ULK2: variants seen among roughly 807,000 people sequenced by gnomAD.
ULK2 encodes unc-51 like autophagy activating kinase 2, also known as serine/threonine-protein kinase ULK2.
Under a neutral mutation model 127.5 loss-of-function variants are expected in ULK2, and 76 were observed. The observed-to-expected ratio is 0.60, with a 90% CI of 0.50 to 0.72. The LOEUF is 0.72. ULK2 is among the 30% of genes least tolerant of loss of function. ULK2 has a pLI of 0.00. For missense variants in ULK2, 1,144 were observed against 1,295.9 expected (o/e 0.88, Z 1.80); for synonymous variants, 452 against 461.9 (o/e 0.98, Z 0.28).
intron 5 of ULK2, 148 bp from the exon 6 acceptor site, chr17:19,847,058 T>C (rs1315362802): frequency 6.7e-6 from 5 of 750,066 alleles, no homozygotes; most frequent in African/African-American, 5.4e-5. Flanking sequence ...ACTTTAATAA[T>C]TGAAGACTAT....
chr17:19,837,981 C>T (rs2041638309), intron 10 of ULK2, among the ~76,000 whole-genome samples: 1 of 152,226 alleles, frequency 6.6e-6, no homozygotes, highest in South Asian at 2.1e-4. Context: ...AAGCCCAAGT[C>T]TTCAACTGGC....
At chr17:19,854,539 C>T (rs1441255903) in intron 3 of ULK2, among the ~76,000 whole-genome samples, 2 of 152,150 alleles carry the variant, frequency 1.3e-5, no homozygotes, top group Non-Finnish European at 2.9e-5. Flanking sequence ...AAGACTTCTT[C>T]TGTAGATATC....
At chr17:19,841,929 A>C (rs1021421929) in intron 8 of ULK2, among the ~76,000 whole-genome samples, 6 of 152,158 alleles carry the variant, frequency 3.9e-5, no homozygotes, top group Admixed American at 6.5e-5. Context: ...GAAACTTAGA[A>C]TAGATTAAGG....
At chr17:19,789,685 A>G (rs1264120547) in intron 20 of ULK2, among the ~76,000 whole-genome samples, 1 of 152,156 alleles carries the variant, frequency 6.6e-6, no homozygotes, top group East Asian at 1.9e-4. Flanking sequence ...TCTATCAGAT[A>G]AATCTAACAC....
intron 9 of ULK2, among the ~76,000 whole-genome samples, chr17:19,838,820 G>T (rs571681697): frequency 2.6e-5 from 4 of 151,936 alleles, no homozygotes; most frequent in Non-Finnish European, 4.4e-5. Flanking sequence ...GAGGTCAGGA[G>T]ATCGAGACCA....
rs1473477217 is a variant in ULK2, at chr17:19,781,974, C to T, written c.2554G>A (p.Glu852Lys). ...DLTAMRGGNP[E>K]LCTSAVSLYQ... is the part of the protein sequence containing the mutation. ...AAGGACACAGCAGATGTGCACAGCT[C>T]AGGGTTTCCTCCCCTCATGGCTGTC... The change falls in exon 23 of 27, where the codon GAG becomes AAG. Residue 852 changes from glutamate (E) to lysine (K), a missense_variant. By Grantham distance (56) the Glu-to-Lys change is moderately conservative (BLOSUM62 1). Around this residue, in one of 2 missense-constraint regions of ULK2, gnomAD observed 913 missense variants for 970.5 expected, o/e 0.94. Transcript: ENST00000395544. 5 of 1,614,230 alleles carry T rather than the reference C, an allele frequency of 3.1e-6. No individual in the cohort carries two copies. The South Asian group carries it at 5.5e-5, about 18-fold the overall frequency.
At chr17:19,844,621 A>T (rs559251633) in intron 7 of ULK2, among the ~76,000 whole-genome samples, 57 of 152,016 alleles carry the variant, frequency 3.7e-4, no homozygotes, top group Non-Finnish European at 7.8e-4. Context: ...TAAATCTAAT[A>T]AAATTTTTTT....
intron 13 of ULK2, among the ~76,000 whole-genome samples, chr17:19,813,307 T>C (rs1027570006): frequency 2.6e-5 from 4 of 152,134 alleles, no homozygotes; most frequent in Non-Finnish European, 5.9e-5. Flanking sequence ...GCATACAATA[T>C]ACTGCATGTT....
Position 19,867,433 on chromosome 17 carries a change from G to A in ULK2, c.-16C>T. The A allele has an allele frequency of 1.3e-6, 2 of 1,584,120 alleles. No homozygotes were observed. Among genetic ancestry groups the A allele is most frequent in the East Asian group, 2.4e-5 (1 of 41,288 alleles). The stretch of plus-strand genomic sequence containing the variant: ...CCACCTCCATGGCCGCGCCCCCGGG[G>A]CACACAGCGGACGGGCGGGCGGCGC... On this transcript the variant is annotated 5_prime_UTR_variant, in exon 1 of 27. Transcript: ENST00000395544.
At chr17:19,802,900 C>T (rs1320717501) in intron 15 of ULK2, among the ~76,000 whole-genome samples, 1 of 152,140 alleles carries the variant, frequency 6.6e-6, no homozygotes. Flanking sequence ...CTGAGTTATG[C>T]AGATATTCCA....
chr17:19,804,212 G>T (rs769732297), intron 15 of ULK2, among the ~76,000 whole-genome samples: 1 of 144,018 alleles, frequency 6.9e-6, no homozygotes, highest in Admixed American at 7.3e-5. Flanking sequence ...GTGAGACCCC[G>T]TCTCTAAAAG....
intron 9 of ULK2, 22 bp downstream of exon 9, chr17:19,841,467 C>A (rs193193509): frequency 6.4e-7 from 1 of 1,568,264 alleles, no homozygotes; most frequent in Non-Finnish European, 8.6e-7. Context: ...ATAGTAAAAC[C>A]CAGTGTAATC....
chr17:19,843,294 G>A, intron 7 of ULK2, 72 bp from the exon 8 acceptor site: 8 of 980,782 alleles, frequency 8.2e-6, no homozygotes, highest in South Asian at 5.8e-5. Flanking sequence ...TTAATTAACT[G>A]GTAAAGGTGA....
At chr17:19,776,450 C>T in intron 26 of ULK2, 43 bp from the exon 27 acceptor site, 1 of 1,494,132 alleles carries the variant, frequency 6.7e-7, no homozygotes, top group Non-Finnish European at 9.1e-7. Context: ...TGAAAAAAAT[C>T]ACTATATTGT....
At chr17:19,866,091 G>C (rs1387296570) in intron 1 of ULK2, among the ~76,000 whole-genome samples, 1 of 152,156 alleles carries the variant, frequency 6.6e-6, no homozygotes, top group Non-Finnish European at 1.5e-5. Context: ...CCACTTCAAA[G>C]TTATGGACAA....
rs1315728472 is a variant in ULK2, at chr17:19,774,590, A to C, written c.*1759T>G. 2 of 152,252 alleles carry C rather than the reference A, an allele frequency of 1.3e-5. No homozygotes were observed. Among genetic ancestry groups the C allele is most frequent in the Non-Finnish European group, 2.9e-5 (2 of 68,050 alleles). 9.4% of individuals were successfully genotyped at this position (152,252 alleles called of 1,614,324 possible). A position where few individuals can be genotyped will look rare whatever the true frequency, so the allele number is the denominator to read the frequency against. On this transcript the variant is annotated 3_prime_UTR_variant, in exon 27 of 27. Coordinates refer to ENST00000395544, the MANE Select transcript of ULK2 (RefSeq NM_014683.4). ...TCACTAATAACAAATAGGGTTGTGG[A>C]GGTAAAACAGTCTATGTTCCTGGAA...
intron 2 of ULK2, 65 bp downstream of exon 2, chr17:19,865,671 G>A: frequency 2.1e-6 from 2 of 947,844 alleles, no homozygotes; most frequent in South Asian, 1.8e-5. Context: ...GAAAAGGATG[G>A]CAGCATGTAT....
At position 19,783,688 on chromosome 17, in the gene ULK2, CT is replaced by C; in HGVS notation, c.2460+8del. 6.7e-7 allele frequency: 1 copy of C among 1,500,064 alleles called. No homozygotes were observed. The highest frequency in any genetic ancestry group is 8.9e-7 in the Non-Finnish European group (1 of 1,121,250). 92.9% of individuals were successfully genotyped at this position (1,500,064 alleles called of 1,614,324 possible). On this transcript the variant is annotated splice_region_variant and intron_variant, in intron 22 of 26. Coordinates refer to ENST00000395544, the MANE Select transcript of ULK2 (RefSeq NM_014683.4). Reference sequence around the variant, plus strand: ...CATTACATTCACACCACTATAGTCTCTTTTCTACCTCCATCAGCGTCTCCTC... The same window carrying C: ...CATTACATTCACACCACTATAGTCTCTTTCTACCTCCATCAGCGTCTCCTC...
intron 9 of ULK2, among the ~76,000 whole-genome samples, chr17:19,838,871 G>GA (rs895736447): frequency 1.3e-4 from 20 of 148,314 alleles, no homozygotes; most frequent in Non-Finnish European, 2.2e-4. Context: ...ACTAAAAATA[G>GA]AAAAAAAAAA....
Sources: gnomAD v4.1 joint callset for allele counts (sites outside exome capture counted in the v4.1 genomes callset) on GRCh38, gnomAD v4.1.1 for gene constraint, gnomAD v4.1.1 regional missense constraint, MANE v1.5 for transcripts, NCBI Gene and HGNC (gene_info 2026-07-23, HGNC 2026-07-21) for gene names.